The following SHOX variants were observed in gnomAD, a reference collection of about 807,000 sequenced individuals.
SHOX encodes SHOX homeobox, also known as short stature homeobox protein.
Under a neutral mutation model 29.6 loss-of-function variants are expected in SHOX, and 12 were observed. The ratio of observed to expected loss-of-function variants is 0.41; its 90% CI spans 0.26 to 0.66. SHOX has a LOEUF of 0.66. Among genes scored for constraint, SHOX ranks in the 30% least tolerant of loss-of-function variants. SHOX has a pLI of 0.35. For synonymous variants in SHOX, 214 were observed against 200.6 expected (o/e 1.07, Z -0.57); for missense variants, 499 against 437.7 (o/e 1.14, Z -1.25).
chrX:643,849 A>G (rs1444436821), intron 4 of SHOX, among the ~76,000 whole-genome samples: 16 of 87,430 alleles, frequency 1.8e-4, no homozygotes, highest in Non-Finnish European at 2.2e-4. Context: ...AGAGGCTTGG[A>G]CACCTGGTGT....
chrX:636,947 A>ATAT lies in SHOX; in HGVS notation c.486+2121_486+2122insTAT, dbSNP rs1569494124. Among the ~76,000 whole-genome samples the ATAT allele has an allele frequency of 5.2e-3, 410 of 78,910 alleles. 6 individuals are homozygous for ATAT. The highest frequency in any genetic ancestry group is 7.0e-3 in the Non-Finnish European group (297 of 42,306). The allele number at this position is 78,910 out of a possible 152,430, so 51.8% of individuals were successfully genotyped here. ...GGTTTTACGAGCTCTTTCATTTAAA[A>ATAT]ATATATATATATATATATATATATT... On this transcript the variant is annotated intron_variant, in intron 2 of 4. Coordinates refer to ENST00000686671, the MANE Select transcript of SHOX (RefSeq NM_000451.4).
At chrX:655,079 T>C (rs2053118636), downstream of SHOX, among the ~76,000 whole-genome samples, 1 of 151,138 alleles carries the variant, frequency 6.6e-6, no homozygotes, top group African/African-American at 2.4e-5. Flanking sequence ...TGAGACCACA[T>C]CTCTAAATAA....
At chrX:654,077 A>G (rs2053104483), downstream of SHOX, among the ~76,000 whole-genome samples, 1 of 152,178 alleles carries the variant, frequency 6.6e-6, no homozygotes, top group Non-Finnish European at 1.5e-5. Context: ...GCTGAGAGTT[A>G]AAAGTTAAAT....
intron 1 of SHOX, among the ~76,000 whole-genome samples, chrX:633,885 A>G (rs751939531): frequency 6.6e-6 from 1 of 152,324 alleles, no homozygotes; most frequent in African/African-American, 2.4e-5. Flanking sequence ...GAAACGCTTG[A>G]GGGCTGAGTC....
chrX:642,269 G>A (rs3790360), intron 4 of SHOX, among the ~76,000 whole-genome samples: 70,645 of 151,190 alleles, frequency 0.47, 16,602 homozygotes, highest in Admixed American at 0.54. Context: ...TAATTTGGGG[G>A]TCGGGAGTGC....
chrX:632,706 G>A (rs2065890159), intron 1 of SHOX, among the ~76,000 whole-genome samples: 1 of 152,164 alleles, frequency 6.6e-6, no homozygotes, highest in African/African-American at 2.4e-5. Context: ...GTTTCTGACC[G>A]TCTAAGAGGC....
upstream of SHOX, chrX:630,708 C>T: frequency 2.9e-6 from 2 of 690,308 alleles, no homozygotes; most frequent in Non-Finnish European, 5.0e-6. Flanking sequence ...AGCCCGGAGA[C>T]CAGTAATTGC....
chrX:650,442 G>A lies in SHOX; in HGVS notation c.*5806G>A, dbSNP rs1369168236. On this transcript the variant is annotated 3_prime_UTR_variant, in exon 5 of 5. Transcript: ENST00000686671. ...GCCACGTCAGCACGTGGGAGCATCTGTGGATACCGCAGAGTCTGGGGACAG... is the reference window on the plus strand; with the variant it reads ...GCCACGTCAGCACGTGGGAGCATCTATGGATACCGCAGAGTCTGGGGACAG... Among the ~76,000 whole-genome samples, 1 of 152,154 alleles carries A rather than the reference G, an allele frequency of 6.6e-6. No individual in the cohort carries two copies. The highest frequency in any genetic ancestry group is 1.5e-5 in the Non-Finnish European group (1 of 68,024).
intron 1 of SHOX, among the ~76,000 whole-genome samples, chrX:624,898 CTT>C: frequency 1.4e-5 from 1 of 70,226 alleles, no homozygotes; most frequent in Admixed American, 1.3e-4. Context: ...TTCTTTCTTT[CTT>C]TCTCTCTTCC....
Position 638,359 on chromosome X carries a change from G to T in SHOX, c.487-2462G>T, listed in dbSNP as rs2052793081. On this transcript the variant is annotated intron_variant, in intron 2 of 4. Coordinates refer to ENST00000686671, the MANE Select transcript of SHOX (RefSeq NM_000451.4). ...AAAATGCCCTTCCAGAGGCTTTTGGGTGGCTGGCTTGCTTTCTGGGCCCTG... is the reference window on the plus strand; with the variant it reads ...AAAATGCCCTTCCAGAGGCTTTTGGTTGGCTGGCTTGCTTTCTGGGCCCTG... Among the ~76,000 whole-genome samples, 3 of 152,196 alleles carry T rather than the reference G, an allele frequency of 2.0e-5. No individual in the cohort carries two copies. In the South Asian group the frequency reaches 6.2e-4, roughly 32 times the overall value.
intron 2 of SHOX, among the ~76,000 whole-genome samples, chrX:638,433 G>C (rs1271086978): frequency 2.0e-5 from 3 of 152,116 alleles, no homozygotes; most frequent in Non-Finnish European, 2.9e-5. Flanking sequence ...CACAGTGGCA[G>C]GTCACCTGGA....
intron 4 of SHOX, 153 bp from the exon 5 acceptor site, chrX:644,238 G>A (rs1422127451): frequency 1.5e-6 from 1 of 658,584 alleles, no homozygotes; most frequent in Non-Finnish European, 1.9e-6. Context: ...GGGGGAAGGA[G>A]GAAAGGCGGG....
In SHOX at chrX:634,731, G is replaced by A. The variant is rs1297741376; in HGVS notation, c.391G>A (p.Glu131Lys). The part of the protein sequence containing the change: ...RTNFTLEQLN[E>K]LERLFDETHY... ...CAACTTCACGCTGGAGCAGCTGAAC[G>A]AGCTCGAGCGACTCTTCGACGAGAC... Residue 131 changes from glutamate to lysine, a missense_variant, in exon 2 of 5, where the codon GAG becomes AAG. By Grantham distance (56) the Glu-to-Lys change is moderately conservative. Coordinates refer to ENST00000686671, the MANE Select transcript of SHOX (RefSeq NM_000451.4). 6.2e-7 allele frequency: 1 copy of A among 1,613,132 alleles called. No individual in the cohort carries two copies. Among genetic ancestry groups the A allele is most frequent in the Non-Finnish European group, 8.5e-7 (1 of 1,179,606 alleles).
rs1318947960 is a variant in SHOX at position 634,719 on chromosome X, G to C, written c.379G>C (p.Glu127Gln). 3.1e-6 allele frequency: 5 copies of C among 1,613,566 alleles called. No individual in the cohort carries two copies. Among genetic ancestry groups the C allele is most frequent in the Non-Finnish European group, 4.2e-6 (5 of 1,179,828 alleles). Reference protein sequence around the residue: ...QRRSRTNFTLEQLNELERLFD... With the variant: ...QRRSRTNFTLQQLNELERLFD... ...GCGCAGCCGCACCAACTTCACGCTG[G>C]AGCAGCTGAACGAGCTCGAGCGACT... is the stretch of plus-strand genomic sequence containing the variant. The change falls in exon 2 of 5, where the codon GAG (glutamate) becomes CAG (glutamine). Residue 127 changes from glutamate (E) to glutamine (Q), a missense_variant. Coordinates refer to ENST00000686671, the MANE Select transcript of SHOX (RefSeq NM_000451.4).
chrX:624,806 C>T (rs1485875325), intron 1 of SHOX, among the ~76,000 whole-genome samples: 2 of 136,302 alleles, frequency 1.5e-5, no homozygotes, highest in African/African-American at 5.6e-5. Context: ...GAAAGCTTTG[C>T]CTTCTTTCCT....
At chrX:652,974 C>T (rs1023442073), downstream of SHOX, among the ~76,000 whole-genome samples, 2 of 152,316 alleles carry the variant, frequency 1.3e-5, no homozygotes, top group East Asian at 1.9e-4. Context: ...CAGTGTGGCT[C>T]TCACGCCTGT....
At chrX:631,343 T>A (rs193064975) in intron 1 of SHOX, 169 bp downstream of exon 1, 9 of 384,654 alleles carry the variant, frequency 2.3e-5, no homozygotes, top group Non-Finnish European at 3.2e-5. Flanking sequence ...AAGGCAGGAG[T>A]GGACCCGACC....
In SHOX at chrX:630,945, C is replaced by T; in HGVS notation, c.48C>T (p.Ser16=). The change falls in exon 1 of 5, where the codon AGC becomes AGT. Residue 16 remains serine (S), a synonymous_variant. Transcript: ENST00000686671. ...AFVSKSFDQK[S]KDGNGGGGGG... ...TATCCAAGTCTTTTGACCAGAAAAG[C>T]AAGGACGGTAACGGCGGAGGCGGAG... 1 of 1,613,824 alleles carries T rather than the reference C, an allele frequency of 6.2e-7. No homozygotes were observed. Among genetic ancestry groups the T allele is most frequent in the Non-Finnish European group, 8.5e-7 (1 of 1,179,844 alleles).
rs2053030995 is a variant in SHOX at position 650,058 on chromosome X, G to A, written c.*5422G>A. ...GGTGTGTTCCTGGCAATTGCCAAGA[G>A]TTAGAAAAATGCACCTTCTCTGGTG... On this transcript the variant is annotated 3_prime_UTR_variant, in exon 5 of 5. Transcript: ENST00000686671. 6.6e-6 allele frequency: 3 copies of A among 455,050 alleles called. No individual in the cohort carries two copies. Among genetic ancestry groups the A allele is most frequent in the Non-Finnish European group, 1.3e-5 (3 of 226,416 alleles). 28.2% of individuals were successfully genotyped at this position (455,050 alleles called of 1,614,324 possible).
Sources: gnomAD v4.1 joint callset for allele counts (sites outside exome capture counted in the v4.1 genomes callset) on GRCh38, gnomAD v4.1.1 for gene constraint, MANE v1.5 for transcripts, NCBI Gene and HGNC (gene_info 2026-07-23, HGNC 2026-07-21) for gene names.